SHISA9: variants seen among roughly 807,000 people sequenced by gnomAD.
The protein encoded by SHISA9 is shisa family member 9, also known as protein shisa-9.
In SHISA9, 13 loss-of-function variants were observed where a neutral mutation model predicts 38.0. That is an observed-to-expected ratio of 0.34 (90% CI 0.22 to 0.54). The LOEUF (loss-of-function observed/expected upper bound fraction) is 0.54, where lower values mean the gene tolerates loss of function less well. SHISA9 is among the 20% of genes least tolerant of loss of function. SHISA9 has a pLI of 0.91. For synonymous variants in SHISA9, 275 were observed against 242.0 expected, an observed-to-expected ratio of 1.14 and a Z score of -1.27; for missense variants, 538 against 575.8, an observed-to-expected ratio of 0.93 and a Z score of 0.67.
At chr16:13,550,034 A>T in the SHISA9 span, among the ~76,000 whole-genome samples, 18 of 151,326 alleles carry the variant, frequency 1.2e-4, no homozygotes, top group Admixed American at 2.6e-4. Context: ...AAAAAAAAAA[A>T]AATAAAGTAT....
rs60419034 is a variant in SHISA9, at chr16:13,237,654, CAAAAAAAAAAAA to C, written c.*2251_*2262del. 2 of 96,704 alleles carry C rather than the reference CAAAAAAAAAAAA, an allele frequency of 2.1e-5. No individual in the cohort carries two copies. Among genetic ancestry groups the C allele is most frequent in the African/African-American group, 4.4e-5 (1 of 22,854 alleles). The allele number at this position is 96,704 out of a possible 1,614,324, so 6.0% of individuals were successfully genotyped here. A position where few individuals can be genotyped will look rare whatever the true frequency, so the allele number is the denominator to read the frequency against. Reference sequence around the variant, plus strand: ...CCTGGGTGACGGAGTGAGACTATCTCAAAAAAAAAAAAAAAAAGAAAAAAAAAGAGATCTTTC... The same window carrying C: ...CCTGGGTGACGGAGTGAGACTATCTCAAAAAGAAAAAAAAAGAGATCTTTC... On this transcript the variant is annotated 3_prime_UTR_variant, in exon 5 of 5. Coordinates refer to ENST00000558583, the MANE Select transcript of SHISA9 (RefSeq NM_001145204.3).
intron 4 of SHISA9, among the ~76,000 whole-genome samples, chr16:13,229,237 A>C (rs915692029): frequency 4.6e-5 from 7 of 152,254 alleles, no homozygotes; most frequent in African/African-American, 1.7e-4. Flanking sequence ...GCCAAAAGTC[A>C]TACCTCATCT....
At chr16:12,985,132 C>T (rs994130829) in intron 2 of SHISA9, among the ~76,000 whole-genome samples, 3 of 151,830 alleles carry the variant, frequency 2.0e-5, no homozygotes, top group Non-Finnish European at 4.4e-5. Context: ...TTCTGGGCCC[C>T]GTTTCCATCA....
the SHISA9 span, among the ~76,000 whole-genome samples, chr16:13,360,439 T>A: frequency 6.6e-6 from 1 of 152,082 alleles, no homozygotes; most frequent in African/African-American, 2.4e-5. Context: ...TGGGGGCGGT[T>A]TCCCCCATGC....
At position 13,216,940 on chromosome 16, in the gene SHISA9, C is replaced by T. The variant is rs1487269008; in HGVS notation, c.895+3640C>T. On this transcript the variant is annotated intron_variant, in intron 4 of 4. Transcript: ENST00000558583. ...CGCCCAGCCTTGGAAACAACTGTCACACCATTTTAAAATCCACCCACCTGT... is the reference window on the plus strand; with the variant it reads ...CGCCCAGCCTTGGAAACAACTGTCATACCATTTTAAAATCCACCCACCTGT... Among the ~76,000 whole-genome samples the T allele has an allele frequency of 2.0e-5, 3 of 152,144 alleles. No homozygotes were observed. In the South Asian group the frequency reaches 6.2e-4, roughly 31 times the overall value.
At chr16:13,312,969 A>T in the SHISA9 span, among the ~76,000 whole-genome samples, 3 of 152,116 alleles carry the variant, frequency 2.0e-5, no homozygotes, top group Middle Eastern at 3.2e-3. Flanking sequence ...AATAAAAAAA[A>T]CCCAGGCCGG....
intron 2 of SHISA9, among the ~76,000 whole-genome samples, chr16:13,141,586 A>G (rs1253795929): frequency 1.3e-5 from 2 of 152,056 alleles, no homozygotes; most frequent in African/African-American, 4.8e-5. Context: ...GGAGAGGCTG[A>G]GTCACGAGAA....
chr16:13,376,220 T>C, the SHISA9 span, among the ~76,000 whole-genome samples: 1 of 152,226 alleles, frequency 6.6e-6, no homozygotes, highest in Non-Finnish European at 1.5e-5. Context: ...ATGGTTTCAA[T>C]GAACACAAAT....
the SHISA9 span, among the ~76,000 whole-genome samples, chr16:13,375,740 T>C: frequency 6.6e-6 from 1 of 152,138 alleles, no homozygotes; most frequent in East Asian, 1.9e-4. Context: ...CACTAAACAC[T>C]ACAACACATC....
the SHISA9 span, among the ~76,000 whole-genome samples, chr16:13,387,225 G>A: frequency 6.6e-6 from 1 of 152,146 alleles, no homozygotes; most frequent in African/African-American, 2.4e-5. Flanking sequence ...CTAATTCCTA[G>A]TACCTCCAAA....
chr16:13,299,931 T>G, the SHISA9 span, among the ~76,000 whole-genome samples: 1 of 152,014 alleles, frequency 6.6e-6, no homozygotes, highest in East Asian at 1.9e-4. Flanking sequence ...ACGGTGACTG[T>G]GAGGATTCAA....
Position 13,069,090 on chromosome 16 carries a change from GTA to G in SHISA9, c.692-134302_692-134301del, listed in dbSNP as rs1200059366. ...GTGTGTACATGTGTACATGCAATGTGTATGTGTGTGTATACATGTGTACATGC... is the reference window on the plus strand; with the variant it reads ...GTGTGTACATGTGTACATGCAATGTGTGTGTGTGTATACATGTGTACATGC... On this transcript the variant is annotated intron_variant, in intron 2 of 4. Coordinates refer to ENST00000558583, the MANE Select transcript of SHISA9 (RefSeq NM_001145204.3). 6.6e-5 allele frequency among the ~76,000 whole-genome samples: 10 copies of G among 151,988 alleles called. No homozygotes were observed. In the South Asian group the frequency reaches 1.5e-3, roughly 22 times the overall value.
chr16:13,023,945 C>G (rs920146777), intron 2 of SHISA9, among the ~76,000 whole-genome samples: 2 of 152,168 alleles, frequency 1.3e-5, no homozygotes, highest in East Asian at 3.8e-4. Flanking sequence ...GGGATGATAA[C>G]AACACATTGT....
At chr16:13,240,539 T>G (rs980779115), downstream of SHISA9, 1 of 152,236 alleles carries the variant, frequency 6.6e-6, no homozygotes, top group Non-Finnish European at 1.5e-5. Flanking sequence ...GGGAAGTTGT[T>G]TCCGGCAAAG....
At chr16:13,218,375 C>A (rs1385145906) in intron 4 of SHISA9, among the ~76,000 whole-genome samples, 1 of 152,232 alleles carries the variant, frequency 6.6e-6, no homozygotes, top group Non-Finnish European at 1.5e-5. Context: ...CCTAATCCCC[C>A]ACCCTAGATG....
intron 2 of SHISA9, among the ~76,000 whole-genome samples, chr16:13,076,928 G>A (rs16961083): frequency 0.021 from 3,266 of 152,206 alleles, 52 homozygotes; most frequent in Admixed American, 0.048. Context: ...TCATTTCCAC[G>A]AATTAAAATA....
intron 2 of SHISA9, among the ~76,000 whole-genome samples, chr16:13,049,369 G>A (rs2073225489): frequency 6.6e-6 from 1 of 152,176 alleles, no homozygotes; most frequent in Non-Finnish European, 1.5e-5. Flanking sequence ...TTCATTGTAA[G>A]ATTGTCTATC....
intron 2 of SHISA9, among the ~76,000 whole-genome samples, chr16:12,947,343 G>A (rs948272275): frequency 6.6e-6 from 1 of 152,180 alleles, no homozygotes; most frequent in Non-Finnish European, 1.5e-5. Context: ...TCCACTTAAG[G>A]CTCATTTCCA....
the SHISA9 span, among the ~76,000 whole-genome samples, chr16:13,310,797 C>A: frequency 6.6e-6 from 1 of 151,228 alleles, no homozygotes; most frequent in African/African-American, 2.4e-5. Flanking sequence ...AATTCTCCTG[C>A]CTCAGCCTCT....
Sources: allele counts gnomAD v4.1 joint callset (sites outside exome capture counted in the v4.1 genomes callset), GRCh38; gene constraint gnomAD v4.1.1; transcripts MANE v1.5; gene names NCBI Gene and HGNC (gene_info 2026-07-23, HGNC 2026-07-21).